Variants in HNF4G observed in about 807,000 individuals in gnomAD.
The protein encoded by HNF4G is hepatocyte nuclear factor 4 gamma.
HNF4G carries 21 observed loss-of-function variants against 50.9 expected under a neutral mutation model. That is an observed-to-expected ratio of 0.41 (90% CI 0.29 to 0.59). The LOEUF (loss-of-function observed/expected upper bound fraction) is 0.59, where lower values mean the gene tolerates loss of function less well. Ranked by LOEUF, HNF4G falls within the 20% of genes least tolerant of loss-of-function variation. The pLI is 0.26. For missense variants in HNF4G, 527 were observed against 559.4 expected (o/e 0.94, Z 0.58); for synonymous variants, 198 against 185.6 (o/e 1.07, Z -0.54).
At chr8:75,425,154 C>T (rs1810863787) in intron 1 of HNF4G, among the ~76,000 whole-genome samples, 1 of 151,164 alleles carries the variant, frequency 6.6e-6, no homozygotes, top group East Asian at 1.9e-4. Flanking sequence ...GGTGCAATCT[C>T]GGCTCACTGC....
intron 1 of HNF4G, among the ~76,000 whole-genome samples, chr8:75,484,127 C>T (rs1812443540): frequency 6.6e-6 from 1 of 151,898 alleles, no homozygotes; most frequent in Non-Finnish European, 1.5e-5. Flanking sequence ...TCCTTTTGAC[C>T]CAACGTGTCA....
intron 1 of HNF4G, among the ~76,000 whole-genome samples, chr8:75,541,218 A>G (rs909329796): frequency 5.9e-5 from 9 of 152,122 alleles, no homozygotes; most frequent in Admixed American, 6.6e-5. Flanking sequence ...CATAACACTT[A>G]TTTACTATAA....
Position 75,564,069 on chromosome 8 carries a change from G to C in HNF4G, c.1341G>C (p.Gln447His). 1 of 1,613,416 alleles carries C rather than the reference G, an allele frequency of 6.2e-7. No individual in the cohort carries two copies. The highest frequency in any genetic ancestry group is 8.5e-7 in the Non-Finnish European group (1 of 1,179,530). The change falls in exon 10 of 10, where the codon CAG (glutamine) becomes CAC (histidine). Residue 447 changes from glutamine (Q) to histidine (H), a missense_variant. Transcript: ENST00000396423. ...ACCAAGCATCAGTCATTTCACACCA[G>C]CATCTCTCCAAACAAAAGCAATTGT... ...AANQASVISH[Q>H]HLSKQKQL
intron 2 of HNF4G, among the ~76,000 whole-genome samples, chr8:75,525,656 C>T (rs930055438): frequency 6.6e-6 from 1 of 152,064 alleles, no homozygotes; most frequent in Non-Finnish European, 1.5e-5. Context: ...TTGGTCCACA[C>T]GTACATTGTT....
chr8:75,440,171 C>T (rs1003130725), intron 1 of HNF4G, among the ~76,000 whole-genome samples: 2 of 152,258 alleles, frequency 1.3e-5, no homozygotes, highest in Admixed American at 6.5e-5. Flanking sequence ...TTCTTTATAT[C>T]ACCAGCCTAT....
chr8:75,494,347 CACAG>C (rs1168284385), intron 2 of HNF4G, among the ~76,000 whole-genome samples: 5 of 145,876 alleles, frequency 3.4e-5, no homozygotes, highest in Non-Finnish European at 6.0e-5. Context: ...CACACACACA[CACAG>C]GTTGACAATA....
intron 2 of HNF4G, among the ~76,000 whole-genome samples, chr8:75,510,794 T>C (rs1161138229): frequency 6.6e-6 from 1 of 152,150 alleles, no homozygotes; most frequent in Non-Finnish European, 1.5e-5. Context: ...TCCCCATAGT[T>C]AACATATCTC....
At chr8:75,435,697 A>G (rs1811118796) in intron 1 of HNF4G, among the ~76,000 whole-genome samples, 1 of 152,144 alleles carries the variant, frequency 6.6e-6, no homozygotes, top group African/African-American at 2.4e-5. Flanking sequence ...GGATTCAAGC[A>G]ATTCTCCTGA....
chr8:75,490,063 T>C (rs1812587087), intron 1 of HNF4G: 1 of 152,610 alleles, frequency 6.6e-6, no homozygotes, highest in Non-Finnish European at 1.5e-5. Context: ...CACTCAATAG[T>C]ATACTTTTGG....
chr8:75,492,754 T>C (rs1463445586), intron 2 of HNF4G, among the ~76,000 whole-genome samples: 1 of 152,154 alleles, frequency 6.6e-6, no homozygotes, highest in Non-Finnish European at 1.5e-5. Flanking sequence ...ACACAGTGGC[T>C]CATCCTACCC....
At chr8:75,561,391 T>A (rs79781990) in intron 9 of HNF4G, among the ~76,000 whole-genome samples, 169 of 152,296 alleles carry the variant, frequency 1.1e-3, no homozygotes, top group African/African-American at 3.8e-3. Context: ...CATTATCACT[T>A]TTTATTCCTT....
chr8:75,463,225 T>C (rs572676003), intron 1 of HNF4G, among the ~76,000 whole-genome samples: 3 of 152,228 alleles, frequency 2.0e-5, no homozygotes, highest in African/African-American at 7.2e-5. Flanking sequence ...GTATTTTTTA[T>C]GAAAAACAAA....
chr8:75,413,123 C>A (rs117213193), intron 1 of HNF4G, among the ~76,000 whole-genome samples: 1,743 of 151,630 alleles, frequency 0.011, 22 homozygotes, highest in Non-Finnish European at 0.019. Flanking sequence ...GAACACTGGG[C>A]CAGATTCTAA....
rs76995442 is a variant in HNF4G at position 75,543,376 on chromosome 8, G to A, written c.119-435G>A. Among the ~76,000 whole-genome samples, 330 of 152,226 alleles carry A rather than the reference G, an allele frequency of 2.2e-3. 2 individuals are homozygous for A. Among genetic ancestry groups the A allele is most frequent in the African/African-American group, 7.6e-3 (316 of 41,554 alleles). On this transcript the variant is annotated intron_variant, in intron 1 of 9. Coordinates refer to ENST00000396423, the MANE Select transcript of HNF4G (RefSeq NM_004133.5). ...GGGAGACTGAAGGAAGGAAGAACAA[G>A]TTCTAGGGGAAAAATGAAAGACTTT...
At position 75,564,129 on chromosome 8, in the gene HNF4G, A is replaced by C; in HGVS notation, c.*33A>C. 1 of 1,607,902 alleles carries C rather than the reference A, an allele frequency of 6.2e-7. No individual in the cohort carries two copies. Among genetic ancestry groups the C allele is most frequent in the South Asian group, 1.1e-5 (1 of 90,486 alleles). On this transcript the variant is annotated 3_prime_UTR_variant, in exon 10 of 10. Transcript: ENST00000396423. ...TTTACTTCAGAACGGCACTACATAA[A>C]TGTGAAAAGTTGTTGATCTTGAAAT...
chr8:75,507,836 T>C (rs1805636244), intron 2 of HNF4G, among the ~76,000 whole-genome samples: 1 of 152,108 alleles, frequency 6.6e-6, no homozygotes, highest in African/African-American at 2.4e-5. Context: ...TTAAGACAAT[T>C]TTAAACTTAT....
At chr8:75,534,790 G>A (rs1806416889) in intron 2 of HNF4G, among the ~76,000 whole-genome samples, 1 of 151,676 alleles carries the variant, frequency 6.6e-6, no homozygotes, top group African/African-American at 2.4e-5. Context: ...TACATTTTGT[G>A]AATTGAAATT....
chr8:75,524,143 T>C (rs1458559906), intron 2 of HNF4G, among the ~76,000 whole-genome samples: 2 of 152,108 alleles, frequency 1.3e-5, no homozygotes, highest in African/African-American at 4.8e-5. Flanking sequence ...TGAGGATTTT[T>C]AAAAGACCTA....
intron 1 of HNF4G, among the ~76,000 whole-genome samples, chr8:75,476,571 T>G (rs1158637352): frequency 6.6e-6 from 1 of 152,264 alleles, no homozygotes; most frequent in South Asian, 2.1e-4. Flanking sequence ...TCATTTAGCA[T>G]TTGTGAGAAG....
Sources: allele counts gnomAD v4.1 joint callset (sites outside exome capture counted in the v4.1 genomes callset), GRCh38; gene constraint gnomAD v4.1.1; transcripts MANE v1.5; gene names NCBI Gene and HGNC (gene_info 2026-07-23, HGNC 2026-07-21).